Variants in TNR observed in about 807,000 individuals in gnomAD.
TNR encodes tenascin-R.
A neutral mutation model predicts 150.4 loss-of-function variants in TNR; 45 were observed. That is an observed-to-expected ratio of 0.30 (90% CI 0.24 to 0.38). The LOEUF (loss-of-function observed/expected upper bound fraction) is 0.38, where lower values mean the gene tolerates loss of function less well. TNR is among the 10% of genes least tolerant of loss of function. TNR has a pLI of 1.00. For synonymous variants in TNR, 687 were observed against 678.4 expected (o/e 1.01, Z -0.20); for missense variants, 1,544 against 1,759.1 (o/e 0.88, Z 2.19).
At chr1:175,582,362 A>G (rs12091024) in intron 1 of TNR, among the ~76,000 whole-genome samples, 19,557 of 152,246 alleles carry the variant, frequency 0.13, 1,549 homozygotes, top group African/African-American at 0.22. Context: ...TGACTGTGGC[A>G]AGAAAAGGCT....
chr1:175,428,176 G>A (rs1333753363), intron 2 of TNR, among the ~76,000 whole-genome samples: 2 of 152,144 alleles, frequency 1.3e-5, no homozygotes, highest in Non-Finnish European at 2.9e-5. Context: ...CCAATGCCTT[G>A]GCATCTAAGG....
rs1648883430 is a variant in TNR at position 175,317,755 on chromosome 1, TG to T, written c.*5601del. On this transcript the variant is annotated 3_prime_UTR_variant, in exon 23 of 23. Coordinates refer to ENST00000367674, the MANE Select transcript of TNR (RefSeq NM_003285.3). The stretch of plus-strand genomic sequence containing the variant: ...TTGAACTGGAACTTTAGCATTAGCC[TG>T]GCTTCATGGCCCAGACAATAAGGAG... The T allele has an allele frequency of 6.6e-6, 1 of 152,258 alleles. No individual in the cohort carries two copies. The allele number at this position is 152,258 out of a possible 1,614,324, so 9.4% of individuals were successfully genotyped here.
In TNR at chr1:175,526,250, CA is replaced by C. The variant is rs1193846165; in HGVS notation, c.-64+2018del. On this transcript the variant is annotated intron_variant, in intron 2 of 22. Transcript: ENST00000367674. Reference sequence around the variant, plus strand: ...AGTCAGGTACTAACAGCATTAATATCAAAGTAAATGGCTAAATAATAGTTGC... The same window carrying C: ...AGTCAGGTACTAACAGCATTAATATCAAGTAAATGGCTAAATAATAGTTGC... 9.7e-4 allele frequency among the ~76,000 whole-genome samples: 147 copies of C among 152,216 alleles called. 1 individual carries two copies. The East Asian group carries it at 0.022, about 23-fold the overall frequency.
chr1:175,374,072 G>A (rs1476696438), intron 9 of TNR, among the ~76,000 whole-genome samples: 1 of 152,204 alleles, frequency 6.6e-6, no homozygotes, highest in Non-Finnish European at 1.5e-5. Context: ...TTCCTCCTCA[G>A]AAGAGCTGCA....
intron 2 of TNR, among the ~76,000 whole-genome samples, chr1:175,488,212 C>A (rs1658095769): frequency 6.6e-6 from 1 of 152,164 alleles, no homozygotes; most frequent in Non-Finnish European, 1.5e-5. Context: ...GAAACATGCA[C>A]TGCATCACTG....
At position 175,337,511 on chromosome 1, in the gene TNR, G is replaced by A. The variant is rs750635762; in HGVS notation, c.3534+17C>T. 2.0e-5 allele frequency: 32 copies of A among 1,612,282 alleles called. No individual in the cohort carries two copies. The highest frequency in any genetic ancestry group is 2.7e-5 in the Non-Finnish European group (32 of 1,179,984). On this transcript the variant is annotated intron_variant, in intron 19 of 22. Coordinates refer to ENST00000367674, the MANE Select transcript of TNR (RefSeq NM_003285.3). ...CTGAGGACGCTTCTGTGCAAGGAGA[G>A]CACAGATTGTACTTACAATCCAGCC...
At chr1:175,601,289 C>T (rs1045252792) in intron 1 of TNR, among the ~76,000 whole-genome samples, 26 of 152,308 alleles carry the variant, frequency 1.7e-4, no homozygotes, top group African/African-American at 4.3e-4. Context: ...GGCCCTGAGG[C>T]GCTGAAAAAG....
At chr1:175,417,071 G>GA (rs1236322486) in intron 2 of TNR, among the ~76,000 whole-genome samples, 1 of 119,694 alleles carries the variant, frequency 8.4e-6, no homozygotes, top group Admixed American at 9.7e-5. Flanking sequence ...AAGAAAGAAA[G>GA]AAAGAAATCT....
chr1:175,679,418 A>T (rs1344277860), intron 1 of TNR, among the ~76,000 whole-genome samples: 1 of 152,252 alleles, frequency 6.6e-6, no homozygotes. Flanking sequence ...CTAAAGTAGC[A>T]GCTAGAGGAG....
At chr1:175,429,321 C>T (rs1655157643) in intron 2 of TNR, among the ~76,000 whole-genome samples, 2 of 152,074 alleles carry the variant, frequency 1.3e-5, no homozygotes, top group South Asian at 2.1e-4. Context: ...GATAAAGATA[C>T]AGATTATAAA....
intron 17 of TNR, among the ~76,000 whole-genome samples, 196 bp downstream of exon 17, chr1:175,355,307 T>G (rs1341536215): frequency 6.6e-6 from 1 of 152,140 alleles, no homozygotes; most frequent in Non-Finnish European, 1.5e-5. Flanking sequence ...AGGACTATCA[T>G]CCAAATCTTC....
chr1:175,700,584 A>T (rs1042383917), intron 1 of TNR, among the ~76,000 whole-genome samples: 2 of 152,164 alleles, frequency 1.3e-5, no homozygotes, highest in East Asian at 1.9e-4. Flanking sequence ...TGCACCGTGT[A>T]TGCCCACTGC....
intron 2 of TNR, among the ~76,000 whole-genome samples, chr1:175,468,156 C>T (rs1183934690): frequency 6.6e-6 from 1 of 152,108 alleles, no homozygotes; most frequent in Non-Finnish European, 1.5e-5. Context: ...CTGGAGATTT[C>T]CAAGGGTGGG....
intron 1 of TNR, among the ~76,000 whole-genome samples, chr1:175,680,923 G>A (rs923294958): frequency 6.6e-6 from 1 of 152,198 alleles, no homozygotes; most frequent in African/African-American, 2.4e-5. Flanking sequence ...GTTTCTAGTG[G>A]TGTGACATTG....
chr1:175,724,792 T>C lies in TNR; in HGVS notation c.-165+18434A>G, dbSNP rs539653007. Among the ~76,000 whole-genome samples, 4 of 152,260 alleles carry C rather than the reference T, an allele frequency of 2.6e-5. No individual in the cohort carries two copies. The East Asian group carries it at 7.7e-4, about 29-fold the overall frequency. ...CTTGGTCTGGGGAGCCAGGGATGGC[T>C]TCCTGAAGGAAGGGGCATCTCAGCT... On this transcript the variant is annotated intron_variant, in intron 1 of 22. Transcript: ENST00000367674.
intron 21 of TNR, among the ~76,000 whole-genome samples, chr1:175,325,663 C>A (rs1221568423): frequency 6.6e-6 from 1 of 152,186 alleles, no homozygotes; most frequent in Non-Finnish European, 1.5e-5. Flanking sequence ...TGTGGCACAT[C>A]TATACCATGG....
chr1:175,732,035 C>G (rs547200852), intron 1 of TNR, among the ~76,000 whole-genome samples: 2 of 152,198 alleles, frequency 1.3e-5, no homozygotes, highest in Non-Finnish European at 2.9e-5. Flanking sequence ...AGGAATGTGC[C>G]TGGGCTGCCC....
intron 2 of TNR, among the ~76,000 whole-genome samples, chr1:175,503,402 A>T (rs755784688): frequency 2.6e-5 from 4 of 152,224 alleles, no homozygotes; most frequent in Admixed American, 2.6e-4. Flanking sequence ...ATTATCATAT[A>T]TTATCTATAA....
At chr1:175,713,344 C>T (rs1371005348) in intron 1 of TNR, among the ~76,000 whole-genome samples, 2 of 152,144 alleles carry the variant, frequency 1.3e-5, no homozygotes, top group Non-Finnish European at 2.9e-5. Context: ...CACTCTTGCC[C>T]CTATCCTTTT....
Sources: allele counts gnomAD v4.1 joint callset (sites outside exome capture counted in the v4.1 genomes callset), GRCh38; gene constraint gnomAD v4.1.1; transcripts MANE v1.5; gene names NCBI Gene and HGNC (gene_info 2026-07-23, HGNC 2026-07-21).